Variants in CHST9 observed in about 807,000 individuals in gnomAD.
The protein encoded by CHST9 is GalNAc-4-sulfotransferase 2.
In CHST9, 41 loss-of-function variants were observed where a neutral mutation model predicts 44.4. The observed-to-expected ratio is 0.92, with a 90% CI of 0.72 to 1.20. CHST9 has a LOEUF of 1.20. Among genes scored for constraint, CHST9 ranks in the 50% most tolerant of loss-of-function variants. The pLI, the probability that CHST9 is intolerant of heterozygous loss-of-function variation, is 0.00. For missense variants in CHST9, 504 were observed against 516.5 expected (o/e 0.98, Z 0.23); for synonymous variants, 171 against 178.4 (o/e 0.96, Z 0.33).
At chr18:27,014,122 G>T (rs2057117822) in intron 4 of CHST9, among the ~76,000 whole-genome samples, 1 of 152,088 alleles carries the variant, frequency 6.6e-6, no homozygotes, top group South Asian at 2.1e-4. Context: ...CTTCATTAAA[G>T]TCAATGGAGT....
chr18:27,058,203 A>G (rs1397034088), intron 2 of CHST9, among the ~76,000 whole-genome samples: 1 of 152,216 alleles, frequency 6.6e-6, no homozygotes, highest in African/African-American at 2.4e-5. Context: ...GGATGTGAGC[A>G]TTTGTACTTT....
At chr18:26,953,758 A>G (rs1375004358) in intron 4 of CHST9, among the ~76,000 whole-genome samples, 2 of 152,192 alleles carry the variant, frequency 1.3e-5, no homozygotes, top group Non-Finnish European at 2.9e-5. Context: ...CTGGAGACCC[A>G]ACTGTGAACA....
intron 4 of CHST9, among the ~76,000 whole-genome samples, chr18:26,965,930 C>G (rs1349238162): frequency 3.3e-5 from 5 of 152,172 alleles, no homozygotes; most frequent in African/African-American, 1.2e-4. Flanking sequence ...CCTTTGGAAC[C>G]CTGACTACCA....
chr18:26,957,712 T>C (rs994426466), intron 4 of CHST9, among the ~76,000 whole-genome samples: 1 of 152,140 alleles, frequency 6.6e-6, no homozygotes, highest in Non-Finnish European at 1.5e-5. Flanking sequence ...TTTGCAAAGA[T>C]AGCTGTGGTG....
intron 3 of CHST9, among the ~76,000 whole-genome samples, chr18:27,040,025 A>G (rs956846821): frequency 2.6e-5 from 4 of 152,082 alleles, no homozygotes; most frequent in Non-Finnish European, 4.4e-5. Flanking sequence ...GACTTTTTGG[A>G]GGAGGAAAGG....
intron 2 of CHST9, among the ~76,000 whole-genome samples, chr18:27,115,895 C>T (rs2058315462): frequency 6.6e-6 from 1 of 152,168 alleles, no homozygotes; most frequent in South Asian, 2.1e-4. Context: ...TGATGACTAA[C>T]AATGCTGAAC....
At chr18:26,927,719 G>A (rs1186970084) in intron 5 of CHST9, among the ~76,000 whole-genome samples, 5 of 89,360 alleles carry the variant, frequency 5.6e-5, no homozygotes, top group Non-Finnish European at 6.4e-5. Context: ...ACATTCCATT[G>A]CTCAGGGATG....
intron 4 of CHST9, among the ~76,000 whole-genome samples, chr18:27,010,210 A>T (rs1429153263): frequency 6.6e-6 from 1 of 152,134 alleles, no homozygotes; most frequent in East Asian, 1.9e-4. Context: ...GCTGAAAGGG[A>T]GATCTCATAT....
chr18:27,133,878 G>C (rs770000930), intron 2 of CHST9, among the ~76,000 whole-genome samples: 1 of 152,118 alleles, frequency 6.6e-6, no homozygotes, highest in Non-Finnish European at 1.5e-5. Flanking sequence ...GGGAAGACGA[G>C]GTGTGGCGCT....
rs188498067 is a variant in CHST9 at position 26,980,473 on chromosome 18, T to C, written c.203-36107A>G. Among the ~76,000 whole-genome samples the C allele has an allele frequency of 1.6e-3, 240 of 152,290 alleles. 2 individuals carry two copies. The highest frequency in any genetic ancestry group is 5.3e-3 in the African/African-American group (221 of 41,572). ...GAGACTACCGATTTATTCTTTACTC[T>C]GGAAACTTTGACAGAATTAATGTTC... On this transcript the variant is annotated intron_variant, in intron 4 of 5. Coordinates refer to ENST00000618847, the MANE Select transcript of CHST9 (RefSeq NM_031422.6).
chr18:26,949,819 G>A (rs1179370331), intron 4 of CHST9, among the ~76,000 whole-genome samples: 1 of 152,220 alleles, frequency 6.6e-6, no homozygotes, highest in Non-Finnish European at 1.5e-5. Flanking sequence ...AAAGGGGCAG[G>A]AGAGTTTACA....
intron 2 of CHST9, among the ~76,000 whole-genome samples, chr18:27,115,612 T>C (rs2058312829): frequency 1.3e-5 from 2 of 152,134 alleles, no homozygotes; most frequent in South Asian, 4.1e-4. Context: ...CCTCTTGAGC[T>C]CAAGCAATCC....
At chr18:27,133,120 G>A (rs2058485750) in intron 2 of CHST9, among the ~76,000 whole-genome samples, 1 of 152,172 alleles carries the variant, frequency 6.6e-6, no homozygotes. Flanking sequence ...AGGAATAACA[G>A]GTCTAGCATT....
chr18:27,161,724 T>G (rs1733698504), intron 1 of CHST9, among the ~76,000 whole-genome samples: 1 of 152,086 alleles, frequency 6.6e-6, no homozygotes, highest in Non-Finnish European at 1.5e-5. Context: ...AATCTCCCGT[T>G]ATTATTGTGT....
chr18:27,113,146 G>A (rs1257395740), intron 2 of CHST9, among the ~76,000 whole-genome samples: 2 of 149,556 alleles, frequency 1.3e-5, no homozygotes, highest in African/African-American at 2.5e-5. Flanking sequence ...CGGAGATCAC[G>A]CCACTGCACT....
chr18:26,911,659 T>C lies in CHST9; in HGVS notation c.*4600A>G, dbSNP rs1598543499. 6.6e-6 allele frequency: 1 copy of C among 152,280 alleles called. No homozygotes were observed. The highest frequency in any genetic ancestry group is 1.9e-4 in the East Asian group (1 of 5,190). The allele number at this position is 152,280 out of a possible 1,614,324, so 9.4% of individuals were successfully genotyped here. Reference sequence around the variant, plus strand: ...GGATGGAAAAAGATGACTGCTTAAATGGATTTAAATACTTTTGCCTGGAAG... The same window carrying C: ...GGATGGAAAAAGATGACTGCTTAAACGGATTTAAATACTTTTGCCTGGAAG... On this transcript the variant is annotated 3_prime_UTR_variant, in exon 6 of 6. Coordinates refer to ENST00000618847, the MANE Select transcript of CHST9 (RefSeq NM_031422.6).
At chr18:27,032,669 AC>A (rs2057353415) in intron 3 of CHST9, among the ~76,000 whole-genome samples, 2 of 152,258 alleles carry the variant, frequency 1.3e-5, no homozygotes, top group Admixed American at 1.3e-4. Context: ...ACCAAAAGCA[AC>A]AAAAAAATTG....
At chr18:27,101,812 C>T (rs2058175445) in intron 2 of CHST9, among the ~76,000 whole-genome samples, 1 of 152,030 alleles carries the variant, frequency 6.6e-6, no homozygotes, top group Admixed American at 6.6e-5. Context: ...CTTAGACTGG[C>T]GGCACAAAAT....
chr18:27,064,327 G>A (rs1029913847), intron 2 of CHST9, among the ~76,000 whole-genome samples: 1 of 152,016 alleles, frequency 6.6e-6, no homozygotes, highest in Non-Finnish European at 1.5e-5. Context: ...CAGCATGATG[G>A]GGCCCAGGTT....
Sources: allele counts gnomAD v4.1 joint callset (sites outside exome capture counted in the v4.1 genomes callset), GRCh38; gene constraint gnomAD v4.1.1; transcripts MANE v1.5; gene names NCBI Gene and HGNC (gene_info 2026-07-23, HGNC 2026-07-21).